The following GSE1 variants were observed in gnomAD, a reference collection of about 807,000 sequenced individuals.
GSE1 encodes Gse1 coiled-coil protein, also known as genetic suppressor element 1.
Under a neutral mutation model 112.6 loss-of-function variants are expected in GSE1, and 32 were observed. That is an observed-to-expected ratio of 0.28 (90% confidence interval 0.21 to 0.38). The LOEUF is 0.38. GSE1 is among the 10% of genes least tolerant of loss of function. The pLI is 1.00. For synonymous variants in GSE1, 1,115 were observed against 735.6 expected (o/e 1.52, Z -8.35); for missense variants, 2,348 against 1,699.2 (o/e 1.38, Z -6.71).
chr16:85,356,026 CAAAAT>C (rs2046944752), intron 1 of GSE1, among the ~76,000 whole-genome samples: 2 of 152,102 alleles, frequency 1.3e-5, no homozygotes, highest in African/African-American at 4.8e-5. Context: ...GACTCCATCT[CAAAAT>C]AAAATAAAAA....
At chr16:85,602,355 CAT>C (rs1039275343) in intron 1 of GSE1, among the ~76,000 whole-genome samples, 10 of 152,180 alleles carry the variant, frequency 6.6e-5, no homozygotes, top group Non-Finnish European at 1.3e-4. Context: ...AGGCTTTTAA[CAT>C]GTGGTAGAAA....
intron 2 of GSE1, among the ~76,000 whole-genome samples, chr16:85,382,025 T>C (rs958512919): frequency 5.9e-5 from 9 of 152,212 alleles, no homozygotes; most frequent in African/African-American, 2.2e-4. Flanking sequence ...CTCTCAGGTC[T>C]CCTGGAGCTC....
chr16:85,523,456 G>A (rs1418554121), intron 2 of GSE1, among the ~76,000 whole-genome samples: 2 of 152,210 alleles, frequency 1.3e-5, no homozygotes, highest in African/African-American at 2.4e-5. Context: ...ATGGAACAGC[G>A]TCCTGGTTGG....
At chr16:85,536,068 G>GC (rs773804779) in intron 2 of GSE1, among the ~76,000 whole-genome samples, 2 of 152,250 alleles carry the variant, frequency 1.3e-5, no homozygotes, top group African/African-American at 2.4e-5. Flanking sequence ...GACCCAGAAG[G>GC]CCACGAGAAA....
At chr16:85,336,053 A>T (rs993739635) in intron 1 of GSE1, among the ~76,000 whole-genome samples, 1 of 152,046 alleles carries the variant, frequency 6.6e-6, no homozygotes, top group Non-Finnish European at 1.5e-5. Flanking sequence ...TCTCCGAGAT[A>T]TGGAGGAACA....
At chr16:85,549,919 T>A (rs1458408955) in intron 2 of GSE1, among the ~76,000 whole-genome samples, 1 of 152,144 alleles carries the variant, frequency 6.6e-6, no homozygotes, top group African/African-American at 2.4e-5. Context: ...AGGTCGTAAG[T>A]AAGATGACAT....
At chr16:85,444,980 C>T (rs554252823) in intron 2 of GSE1, among the ~76,000 whole-genome samples, 41 of 152,348 alleles carry the variant, frequency 2.7e-4, no homozygotes, top group African/African-American at 7.9e-4. Flanking sequence ...TCGCCGGCTC[C>T]GCAGCAGCCA....
At chr16:85,319,158 A>G (rs897270156) in intron 1 of GSE1, among the ~76,000 whole-genome samples, 1 of 152,150 alleles carries the variant, frequency 6.6e-6, no homozygotes, top group African/African-American at 2.4e-5. Flanking sequence ...ACATTTAGGC[A>G]AATGCCCAGG....
chr16:85,226,811 G>A (rs1008878751), intron 1 of GSE1, among the ~76,000 whole-genome samples: 2 of 139,298 alleles, frequency 1.4e-5, no homozygotes, highest in East Asian at 2.1e-4. Flanking sequence ...GTGTGTGTGT[G>A]TGTGTGAAGG....
chr16:85,340,603 T>C (rs927891808), intron 1 of GSE1, among the ~76,000 whole-genome samples: 6 of 152,172 alleles, frequency 3.9e-5, no homozygotes, highest in Non-Finnish European at 7.3e-5. Flanking sequence ...ATCGCGTCAC[T>C]GTACTCCAGC....
chr16:85,182,877 C>T (rs555899465), intron 1 of GSE1, among the ~76,000 whole-genome samples: 1 of 152,110 alleles, frequency 6.6e-6, no homozygotes, highest in Non-Finnish European at 1.5e-5. Context: ...CCCACACACC[C>T]CAGCACACCC....
chr16:85,253,069 ACCCC>A (rs56691935), intron 1 of GSE1, among the ~76,000 whole-genome samples: 1 of 57,816 alleles, frequency 1.7e-5, no homozygotes, highest in Non-Finnish European at 3.3e-5. Context: ...CCCCCCCCCC[ACCCC>A]CCCCCCCCCA....
intron 2 of GSE1, among the ~76,000 whole-genome samples, chr16:85,403,953 A>G (rs2048180406): frequency 6.6e-6 from 1 of 152,150 alleles, no homozygotes; most frequent in Non-Finnish European, 1.5e-5. Context: ...TCTGGCTTCC[A>G]GGGCTTGTGG....
At chr16:85,573,775 C>T (rs929552652) in intron 1 of GSE1, among the ~76,000 whole-genome samples, 4 of 152,342 alleles carry the variant, frequency 2.6e-5, no homozygotes, top group African/African-American at 9.6e-5. Context: ...TCTCCTCCTC[C>T]GGCCACCAGT....
intron 2 of GSE1, among the ~76,000 whole-genome samples, chr16:85,635,955 C>T (rs933639128): frequency 3.3e-5 from 5 of 152,230 alleles, no homozygotes; most frequent in East Asian, 3.8e-4. Context: ...ACAGGGCCGT[C>T]GCTTCCTCTC....
At chr16:85,663,872 C>A (rs957326876) in intron 11 of GSE1, among the ~76,000 whole-genome samples, 4 of 152,276 alleles carry the variant, frequency 2.6e-5, no homozygotes, top group African/African-American at 9.6e-5. Context: ...CATCTCCCAG[C>A]GCCCGAGAAG....
chr16:85,555,020 G>A (rs2045129216), upstream of GSE1: 3 of 985,332 alleles, frequency 3.0e-6, no homozygotes, highest in Non-Finnish European at 3.6e-6. Context: ...CGGCGGCCGC[G>A]CGGGGGGAAG....
At chr16:85,393,887 G>A (rs576766787) in intron 2 of GSE1, among the ~76,000 whole-genome samples, 5 of 152,180 alleles carry the variant, frequency 3.3e-5, no homozygotes, top group Non-Finnish European at 5.9e-5. Flanking sequence ...GGCAGCAGGG[G>A]GTTGGCCGCC....
chr16:85,495,448 T>C (rs967984876), intron 2 of GSE1, among the ~76,000 whole-genome samples: 11 of 150,432 alleles, frequency 7.3e-5, no homozygotes, highest in Non-Finnish European at 1.3e-4. Context: ...TTTATTTATT[T>C]ATTTATTTAT....
Sources: allele counts gnomAD v4.1 joint callset (sites outside exome capture counted in the v4.1 genomes callset), GRCh38; gene constraint gnomAD v4.1.1; transcripts MANE v1.5; gene names NCBI Gene and HGNC (gene_info 2026-07-23, HGNC 2026-07-21).